Variants in TMEM69 observed in about 807,000 individuals in gnomAD.
TMEM69 encodes chromosome 1 open reading frame 154.
A neutral mutation model predicts 15.8 loss-of-function variants in TMEM69; 17 were observed. The ratio of observed to expected loss-of-function variants is 1.07; its 90% CI spans 0.73 to 1.61. TMEM69 has a LOEUF of 1.61. Ranked by LOEUF, TMEM69 falls within the 40% of genes most tolerant of loss-of-function variation. TMEM69 has a pLI of 0.00. For synonymous variants in TMEM69, 80 were observed against 98.6 expected, an observed-to-expected ratio of 0.81 and a Z score of 1.12; for missense variants, 230 against 286.1, an observed-to-expected ratio of 0.80 and a Z score of 1.41.
chr1:45,694,254 T>A lies in TMEM69; in HGVS notation c.*349T>A. 1 of 580,418 alleles carries A rather than the reference T, an allele frequency of 1.7e-6. No homozygotes were observed. 36.0% of individuals were successfully genotyped at this position (580,418 alleles called of 1,614,324 possible). On this transcript the variant is annotated 3_prime_UTR_variant, in exon 3 of 3. Coordinates refer to ENST00000372025, the MANE Select transcript of TMEM69 (RefSeq NM_016486.4). ...ATGGTAATTTATCTTCACAGATTGTTCTTCATTTCTAGAAATTGTTACTTC... is the reference window on the plus strand; with the variant it reads ...ATGGTAATTTATCTTCACAGATTGTACTTCATTTCTAGAAATTGTTACTTC...
At chr1:45,691,254 T>C in intron 2 of TMEM69, 144 bp downstream of exon 2, 1 of 765,262 alleles carries the variant, frequency 1.3e-6, no homozygotes, top group Non-Finnish European at 2.2e-6. Flanking sequence ...GTAAGTAAAA[T>C]GTTTATTATA....
chr1:45,692,505 C>G (rs916081649), intron 2 of TMEM69, among the ~76,000 whole-genome samples: 2 of 152,160 alleles, frequency 1.3e-5, no homozygotes, highest in Admixed American at 1.3e-4. Flanking sequence ...GAAAAAAATA[C>G]GGTCCTGGCT....
At chr1:45,690,177 C>G (rs1350531509) in intron 1 of TMEM69, among the ~76,000 whole-genome samples, 1 of 152,168 alleles carries the variant, frequency 6.6e-6, no homozygotes, top group African/African-American at 2.4e-5. Flanking sequence ...TCTCTCAGTA[C>G]TAAGTTAATG....
intron 1 of TMEM69, among the ~76,000 whole-genome samples, chr1:45,690,528 C>T (rs1434271973): frequency 6.6e-6 from 1 of 152,020 alleles, no homozygotes; most frequent in Admixed American, 6.6e-5. Flanking sequence ...ATTAAAAAAA[C>T]CTAAATTATA....
At chr1:45,690,627 TTTG>T (rs1645338491) in intron 1 of TMEM69, among the ~76,000 whole-genome samples, 1 of 152,080 alleles carries the variant, frequency 6.6e-6, no homozygotes, top group South Asian at 2.1e-4. Flanking sequence ...ACCTTCCAGT[TTTG>T]TTTTGGTTTT....
In TMEM69 at chr1:45,694,016, C is replaced by T. The variant is rs1645364698; in HGVS notation, c.*111C>T. The T allele has an allele frequency of 3.0e-6, 2 of 667,338 alleles. No homozygotes were observed. Among genetic ancestry groups the T allele is most frequent in the Non-Finnish European group, 4.9e-6 (2 of 408,798 alleles). 41.3% of individuals were successfully genotyped at this position (667,338 alleles called of 1,614,324 possible). A position where few individuals can be genotyped will look rare whatever the true frequency, so the allele number is the denominator to read the frequency against. ...CTGACCATCTGGGAAGTGTGACAAG[C>T]GCCTCTGCCCGGCCGCTGTGCAACC... is the stretch of plus-strand genomic sequence containing the variant. On this transcript the variant is annotated 3_prime_UTR_variant, in exon 3 of 3. Coordinates refer to ENST00000372025, the MANE Select transcript of TMEM69 (RefSeq NM_016486.4).
At chr1:45,689,093 C>CG (rs958560573) in intron 1 of TMEM69, among the ~76,000 whole-genome samples, 15 of 151,544 alleles carry the variant, frequency 9.9e-5, no homozygotes, top group East Asian at 5.8e-4. Context: ...TTAGTAGAGA[C>CG]GGGGGGGAGG....
chr1:45,693,196 C>G lies in TMEM69; in HGVS notation c.43-8C>G, dbSNP rs1470046297. 1 of 1,561,426 alleles carries G rather than the reference C, an allele frequency of 6.4e-7. No homozygotes were observed. Among genetic ancestry groups the G allele is most frequent in the African/African-American group, 1.4e-5 (1 of 72,608 alleles). On this transcript the variant is annotated splice_polypyrimidine_tract_variant and splice_region_variant and intron_variant, in intron 2 of 2. Coordinates refer to ENST00000372025, the MANE Select transcript of TMEM69 (RefSeq NM_016486.4). ...TAATTTTGTCTTTTGGTTCTATTTTCTTTGTAGATACTGAAGTACTCTTTC... is the reference window on the plus strand; with the variant it reads ...TAATTTTGTCTTTTGGTTCTATTTTGTTTGTAGATACTGAAGTACTCTTTC...
chr1:45,693,314 C>T lies in TMEM69; in HGVS notation c.153C>T (p.Ser51=). 6.2e-7 allele frequency: 1 copy of T among 1,614,162 alleles called. No homozygotes were observed. Among genetic ancestry groups the T allele is most frequent in the Non-Finnish European group, 8.5e-7 (1 of 1,180,028 alleles). ...NFSPCPRPWL[S]SSFPAYMSKT... ...CCCCATGTCCAAGGCCTTGGCTTTCCTCATCATTTCCAGCGTATATGAGCA... is the reference window on the plus strand; with the variant it reads ...CCCCATGTCCAAGGCCTTGGCTTTCTTCATCATTTCCAGCGTATATGAGCA... Residue 51 remains serine, a synonymous_variant, in exon 3 of 3, where the codon TCC becomes TCT. Coordinates refer to ENST00000372025, the MANE Select transcript of TMEM69 (RefSeq NM_016486.4).
intron 2 of TMEM69, 27 bp downstream of exon 2, chr1:45,691,137 C>CA: frequency 6.2e-7 from 1 of 1,608,366 alleles, no homozygotes. Flanking sequence ...GATATTTGAG[C>CA]ACTATTTGCC....
At position 45,693,465 on chromosome 1, in the gene TMEM69, C is replaced by G; in HGVS notation, c.304C>G (p.Leu102Val). The change falls in exon 3 of 3, where the codon CTG (leucine) becomes GTG (valine). Residue 102 changes from leucine to valine, a missense_variant. By Grantham distance (32) the Leu-to-Val change is conservative (BLOSUM62 1). Transcript: ENST00000372025. ...CCCAAAGCCAGCATTATGTGTAACT[C>G]TGGCAGGACTAATCCCCTTCGTTGC... Reference protein sequence around the residue: ...DSPKPALCVTLAGLIPFVAPP... With the variant: ...DSPKPALCVTVAGLIPFVAPP... 2 of 1,614,232 alleles carry G rather than the reference C, an allele frequency of 1.2e-6. No individual in the cohort carries two copies. Among genetic ancestry groups the G allele is most frequent in the South Asian group, 1.1e-5 (1 of 91,072 alleles).
At position 45,693,953 on chromosome 1, in the gene TMEM69, C is replaced by G. The variant is rs776373549; in HGVS notation, c.*48C>G. 3.3e-5 allele frequency: 44 copies of G among 1,318,458 alleles called. No homozygotes were observed. Among genetic ancestry groups the G allele is most frequent in the Non-Finnish European group, 4.3e-5 (42 of 972,922 alleles). The allele number at this position is 1,318,458 out of a possible 1,614,324, so 81.7% of individuals were successfully genotyped here. A position where few individuals can be genotyped will look rare whatever the true frequency, so the allele number is the denominator to read the frequency against. Reference sequence around the variant, plus strand: ...GAGGAGCACCTCTGCCCAGCTGCTGCCCCGTCTGGGAAGTGAGGAGCGCCT... The same window carrying G: ...GAGGAGCACCTCTGCCCAGCTGCTGGCCCGTCTGGGAAGTGAGGAGCGCCT... On this transcript the variant is annotated 3_prime_UTR_variant, in exon 3 of 3. Coordinates refer to ENST00000372025, the MANE Select transcript of TMEM69 (RefSeq NM_016486.4).
At chr1:45,692,667 T>C (rs976555321) in intron 2 of TMEM69, among the ~76,000 whole-genome samples, 5 of 152,160 alleles carry the variant, frequency 3.3e-5, no homozygotes, top group Non-Finnish European at 5.9e-5. Context: ...ATTTTGAATG[T>C]TGAGGTAAGT....
chr1:45,689,605 G>A (rs1449191149), intron 1 of TMEM69, among the ~76,000 whole-genome samples: 1 of 152,218 alleles, frequency 6.6e-6, no homozygotes, highest in Admixed American at 6.5e-5. Context: ...CACTTTGGGA[G>A]GCCAAAGCAG....
rs564768724 is a variant in TMEM69 at position 45,690,971 on chromosome 1, C to G, written c.-95-3C>G. 3.8e-5 allele frequency: 51 copies of G among 1,358,786 alleles called. No homozygotes were observed. Among genetic ancestry groups the G allele is most frequent in the Non-Finnish European group, 5.2e-5 (50 of 954,590 alleles). The allele number at this position is 1,358,786 out of a possible 1,614,324, so 84.2% of individuals were successfully genotyped here. A position where few individuals can be genotyped will look rare whatever the true frequency, so the allele number is the denominator to read the frequency against. On this transcript the variant is annotated splice_region_variant and splice_polypyrimidine_tract_variant and intron_variant, in intron 1 of 2. Transcript: ENST00000372025. ...ATTAAGTGACACCTTGTGTTATACA[C>G]AGAAACATGCCCCTGATTCAGTGCC...
chr1:45,690,636 G>T (rs6686944), intron 1 of TMEM69, among the ~76,000 whole-genome samples: 43,644 of 150,034 alleles, frequency 0.29, 6,391 homozygotes, highest in South Asian at 0.39. Flanking sequence ...TTTTGTTTTG[G>T]TTTTTTTTTT....
chr1:45,691,867 G>T (rs796224774), intron 2 of TMEM69, among the ~76,000 whole-genome samples: 3 of 78,896 alleles, frequency 3.8e-5, no homozygotes, highest in African/African-American at 8.4e-5. Context: ...AAAAAATAAG[G>T]CCAGGCACGG....
chr1:45,689,264 C>T (rs1645327117), intron 1 of TMEM69, among the ~76,000 whole-genome samples: 1 of 152,078 alleles, frequency 6.6e-6, no homozygotes, highest in Admixed American at 6.6e-5. Flanking sequence ...ATCCCATTCT[C>T]TTGGTTAAGA....
chr1:45,689,069 AATTTTTTGT>A (rs1645325275), intron 1 of TMEM69, among the ~76,000 whole-genome samples: 1 of 151,506 alleles, frequency 6.6e-6, no homozygotes, highest in Admixed American at 6.6e-5. Flanking sequence ...ACGCCCAGCT[AATTTTTTGT>A]ATTTTTAGTA....
Sources: gnomAD v4.1 joint callset for allele counts (sites outside exome capture counted in the v4.1 genomes callset) on GRCh38, gnomAD v4.1.1 for gene constraint, MANE v1.5 for transcripts, NCBI Gene and HGNC (gene_info 2026-07-23, HGNC 2026-07-21) for gene names.